The following RCSD1 variants were observed in gnomAD, a reference collection of about 807,000 sequenced individuals.
The protein encoded by RCSD1 is capZ-interacting protein.
In RCSD1, 26 loss-of-function variants were observed where a neutral mutation model predicts 42.5. That is an observed-to-expected ratio of 0.61 (90% CI 0.45 to 0.85). The LOEUF is 0.85. RCSD1 is among the 40% of genes least tolerant of loss of function. The probability of loss-of-function intolerance (pLI) is 0.00; values close to 1 mark genes in which losing one functional copy is unlikely to be tolerated. For synonymous variants in RCSD1, 220 were observed against 212.2 expected (o/e 1.04, Z -0.32); for missense variants, 571 against 528.3 (o/e 1.08, Z -0.79).
chr1:167,660,892 T>C (rs980062911), intron 1 of RCSD1, among the ~76,000 whole-genome samples: 3 of 152,184 alleles, frequency 2.0e-5, no homozygotes, highest in African/African-American at 7.2e-5. Flanking sequence ...AATTGTTGGT[T>C]GATTGTTTTT....
chr1:167,652,195 T>C (rs1430266703), intron 1 of RCSD1, among the ~76,000 whole-genome samples: 1 of 152,090 alleles, frequency 6.6e-6, no homozygotes, highest in Non-Finnish European at 1.5e-5. Flanking sequence ...CTAATTTTTG[T>C]ATTTTTAGTA....
In RCSD1 at chr1:167,699,832, C is replaced by T. The variant is rs913149421; in HGVS notation, c.1218+1990C>T. ...GCTGTCCCCTCTGTGTGGGACATTC[C>T]TTCTGATCCTTACAGGGCCGCTTCT... is the stretch of plus-strand genomic sequence containing the variant. On this transcript the variant is annotated intron_variant, in intron 6 of 6. Coordinates refer to ENST00000367854, the MANE Select transcript of RCSD1 (RefSeq NM_052862.4). Among the ~76,000 whole-genome samples, 9 of 152,166 alleles carry T rather than the reference C, an allele frequency of 5.9e-5. No individual in the cohort carries two copies. The East Asian group carries it at 1.7e-3, about 29-fold the overall frequency.
intron 1 of RCSD1, among the ~76,000 whole-genome samples, chr1:167,682,995 G>A (rs974438959): frequency 2.6e-5 from 4 of 152,276 alleles, no homozygotes; most frequent in East Asian, 1.9e-4. Context: ...AGGCAGAAAC[G>A]AACTGGCCAT....
intron 6 of RCSD1, among the ~76,000 whole-genome samples, chr1:167,700,755 A>T (rs1278730721): frequency 6.6e-6 from 1 of 152,160 alleles, no homozygotes; most frequent in Non-Finnish European, 1.5e-5. Context: ...CCAGGTCTAG[A>T]GAAGGCAAAT....
At chr1:167,661,769 A>G (rs1658548325) in intron 1 of RCSD1, among the ~76,000 whole-genome samples, 1 of 152,250 alleles carries the variant, frequency 6.6e-6, no homozygotes, top group Non-Finnish European at 1.5e-5. Context: ...AGTATCCAAA[A>G]AGAGATTCCT....
rs1283069734 is a variant in RCSD1, at chr1:167,630,344, G to C, written c.-80G>C. On this transcript the variant is annotated 5_prime_UTR_variant, in exon 1 of 7. Transcript: ENST00000367854. ...GCAGCCCGAAACTGGCCACGGCCGG[G>C]AGCGGAGGGGACAGCGGGGATCGTG... 3 of 1,353,960 alleles carry C rather than the reference G, an allele frequency of 2.2e-6. No individual in the cohort carries two copies. The highest frequency in any genetic ancestry group is 2.9e-6 in the Non-Finnish European group (3 of 1,037,092). 83.9% of individuals were successfully genotyped at this position (1,353,960 alleles called of 1,614,324 possible). A position where few individuals can be genotyped will look rare whatever the true frequency, so the allele number is the denominator to read the frequency against.
At chr1:167,650,712 C>T (rs1384067382) in intron 1 of RCSD1, among the ~76,000 whole-genome samples, 1 of 152,204 alleles carries the variant, frequency 6.6e-6, no homozygotes, top group Non-Finnish European at 1.5e-5. Context: ...ACCAATTAAG[C>T]ACAAAGCAGG....
At chr1:167,639,033 C>T (rs189677355) in intron 1 of RCSD1, among the ~76,000 whole-genome samples, 28 of 152,160 alleles carry the variant, frequency 1.8e-4, no homozygotes, top group Admixed American at 1.6e-3. Flanking sequence ...CTGGCTAACA[C>T]GATAAAACCC....
At chr1:167,647,225 G>A (rs983449979) in intron 1 of RCSD1, among the ~76,000 whole-genome samples, 1 of 151,898 alleles carries the variant, frequency 6.6e-6, no homozygotes, top group Non-Finnish European at 1.5e-5. Flanking sequence ...TCAGGCTGCA[G>A]GTTCCACAGC....
intron 4 of RCSD1, among the ~76,000 whole-genome samples, chr1:167,692,463 G>A (rs1188977688): frequency 6.6e-6 from 1 of 151,850 alleles, no homozygotes; most frequent in Admixed American, 6.6e-5. Context: ...ATATCAACCT[G>A]CACGGCAACT....
chr1:167,681,538 A>C (rs556669102), intron 1 of RCSD1, among the ~76,000 whole-genome samples: 2 of 152,228 alleles, frequency 1.3e-5, no homozygotes, highest in Non-Finnish European at 2.9e-5. Context: ...CAGAAGCCTC[A>C]GAGTTCTCTC....
chr1:167,662,061 G>A (rs1658552391), intron 1 of RCSD1, among the ~76,000 whole-genome samples: 1 of 152,150 alleles, frequency 6.6e-6, no homozygotes, highest in Non-Finnish European at 1.5e-5. Context: ...TTAGTGAAAA[G>A]CCCTGTCTGT....
chr1:167,681,607 G>A (rs1261280939), intron 1 of RCSD1, among the ~76,000 whole-genome samples: 1 of 152,190 alleles, frequency 6.6e-6, no homozygotes, highest in East Asian at 1.9e-4. Context: ...AGGAGCTTTT[G>A]ATTCCTATAC....
At chr1:167,682,710 T>TAC (rs1659112095) in intron 1 of RCSD1, among the ~76,000 whole-genome samples, 2 of 146,296 alleles carry the variant, frequency 1.4e-5, no homozygotes, top group Admixed American at 6.8e-5. Context: ...TGTGTGTGTG[T>TAC]ACAAGGGAGT....
intron 1 of RCSD1, among the ~76,000 whole-genome samples, chr1:167,668,809 C>A (rs1163230535): frequency 6.6e-6 from 1 of 151,012 alleles, no homozygotes; most frequent in Non-Finnish European, 1.5e-5. Flanking sequence ...GGAAGGGGAG[C>A]TTCACAGGGG....
chr1:167,645,138 T>C (rs1220601459), intron 1 of RCSD1, among the ~76,000 whole-genome samples: 1 of 152,214 alleles, frequency 6.6e-6, no homozygotes, highest in Non-Finnish European at 1.5e-5. Flanking sequence ...GCTGGGATAG[T>C]TAATATGCTA....
chr1:167,679,908 A>G (rs1659039853), intron 1 of RCSD1, among the ~76,000 whole-genome samples: 2 of 152,172 alleles, frequency 1.3e-5, no homozygotes, highest in African/African-American at 4.8e-5. Context: ...TTTACGCAAC[A>G]TGGCAACAGC....
chr1:167,673,093 C>T (rs947774708), intron 1 of RCSD1, among the ~76,000 whole-genome samples: 7 of 152,116 alleles, frequency 4.6e-5, no homozygotes, highest in Non-Finnish European at 1.0e-4. Context: ...ACTGACCTTG[C>T]GTTCTTACCA....
intron 4 of RCSD1, among the ~76,000 whole-genome samples, chr1:167,692,568 G>A (rs986349241): frequency 6.6e-6 from 1 of 151,428 alleles, no homozygotes; most frequent in Non-Finnish European, 1.5e-5. Flanking sequence ...GCCCTGGATG[G>A]ACTCAAAGTC....
Sources: allele counts gnomAD v4.1 joint callset (sites outside exome capture counted in the v4.1 genomes callset), GRCh38; gene constraint gnomAD v4.1.1; transcripts MANE v1.5; gene names NCBI Gene and HGNC (gene_info 2026-07-23, HGNC 2026-07-21).